Variants in OR4D1 observed in about 807,000 individuals in gnomAD.
OR4D1 encodes olfactory receptor 4D1.
A neutral mutation model predicts 14.2 loss-of-function variants in OR4D1; 10 were observed. That is an observed-to-expected ratio of 0.71 (90% CI 0.44 to 1.20). The LOEUF (loss-of-function observed/expected upper bound fraction) is 1.20. Among genes scored for constraint, OR4D1 ranks in the 50% most tolerant of loss-of-function variants. The pLI, the probability that OR4D1 is intolerant of heterozygous loss-of-function variation, is 0.00. For missense variants in OR4D1, 345 were observed against 376.6 expected, an observed-to-expected ratio of 0.92 and a Z score of 0.70; for synonymous variants, 141 against 147.4, an observed-to-expected ratio of 0.96 and a Z score of 0.32.
At position 58,152,512 on chromosome 17, in the gene OR4D1, T is replaced by C. The variant is rs1967714591; in HGVS notation, c.-126-1345T>C. Among the ~76,000 whole-genome samples the C allele has an allele frequency of 1.3e-5, 2 of 152,252 alleles. 1 individual carries two copies. Among genetic ancestry groups the C allele is most frequent in the South Asian group, 4.1e-4 (2 of 4,838 alleles). Reference sequence around the variant, plus strand: ...AGAATTACCACTATTACCAACAGTTTGCCAGTCTTGCTTCACATACTCCTC... The same window carrying C: ...AGAATTACCACTATTACCAACAGTTCGCCAGTCTTGCTTCACATACTCCTC... On this transcript the variant is annotated intron_variant, in intron 2 of 3. Transcript: ENST00000268912.
chr17:58,155,584 T>C lies in OR4D1; in HGVS notation c.431T>C (p.Leu144Pro). The C allele has an allele frequency of 6.2e-7, 1 of 1,614,194 alleles. No homozygotes were observed. The highest frequency in any genetic ancestry group is 8.5e-7 in the Non-Finnish European group (1 of 1,180,028). Residue 144 changes from leucine to proline, a missense_variant, in exon 4 of 4, where the codon CTG becomes CCG. Coordinates refer to ENST00000268912, the MANE Select transcript of OR4D1 (RefSeq NM_001386095.1). ...ATGAACACTCAATTGTGTGTGGGCC[T>C]GGTAGTAGCCGCCTGGGTGGGGGGC... Reference protein sequence around the residue: ...TIMNTQLCVGLVVAAWVGGFV... With the variant: ...TIMNTQLCVGPVVAAWVGGFV...
chr17:58,150,601 A>C (rs941403469), intron 2 of OR4D1, among the ~76,000 whole-genome samples: 3 of 152,228 alleles, frequency 2.0e-5, no homozygotes, highest in African/African-American at 7.2e-5. Flanking sequence ...GGCAGCTCAC[A>C]GTGCCAGATG....
chr17:58,156,044 C>T lies in OR4D1; in HGVS notation c.891C>T (p.Ala297=). The T allele has an allele frequency of 1.2e-6, 2 of 1,613,382 alleles. No homozygotes were observed. The highest frequency in any genetic ancestry group is 1.7e-6 in the Non-Finnish European group (2 of 1,179,686). Residue 297 remains alanine, a synonymous_variant, in exon 4 of 4, where the codon GCC becomes GCT. Transcript: ENST00000268912. The stretch of plus-strand genomic sequence containing the variant: ...TGAGAAACCAGGACATGAAAGCAGC[C>T]ATGAGGAGATTAGGCAAGTGCCTAG... ...YTLRNQDMKA[A]MRRLGKCLVI... is the part of the protein sequence containing the mutation.
Position 58,156,062 on chromosome 17 carries a change from G to T in OR4D1, c.909G>T (p.Lys303Asn), listed in dbSNP as rs1473637217. The change falls in exon 4 of 4, where the codon AAG becomes AAT. Residue 303 changes from lysine to asparagine, a missense_variant. Lys to Asn is a moderately conservative substitution (Grantham distance 94). Transcript: ENST00000268912. ...AAGCAGCCATGAGGAGATTAGGCAAGTGCCTAGTAATTTGCAGGGAGTAAA... is the reference window on the plus strand; with the variant it reads ...AAGCAGCCATGAGGAGATTAGGCAATTGCCTAGTAATTTGCAGGGAGTAAA... ...DMKAAMRRLG[K>N]CLVICRE 1 of 1,609,572 alleles carries T rather than the reference G, an allele frequency of 6.2e-7. No homozygotes were observed. The highest frequency in any genetic ancestry group is 1.7e-5 in the Admixed American group (1 of 59,728).
intron 2 of OR4D1, among the ~76,000 whole-genome samples, chr17:58,153,501 C>T (rs1171722449): frequency 6.6e-6 from 1 of 152,176 alleles, no homozygotes; most frequent in Non-Finnish European, 1.5e-5. Context: ...TGAAATCCCT[C>T]ATAAGTTTTG....
chr17:58,150,327 T>C (rs1185593190), intron 2 of OR4D1, among the ~76,000 whole-genome samples: 3 of 152,190 alleles, frequency 2.0e-5, no homozygotes, highest in Non-Finnish European at 2.9e-5. Flanking sequence ...AGTTTATGTA[T>C]GTACTATGTT....
At position 58,156,903 on chromosome 17, in the gene OR4D1, C is replaced by G. The variant is rs781697204; in HGVS notation, c.*817C>G. ...CCCCACCTCCCTGCCTCATTCCCCA[C>G]TGTGGAATTTAGAAAGTTATCTCGC... On this transcript the variant is annotated 3_prime_UTR_variant, in exon 4 of 4. Coordinates refer to ENST00000268912, the MANE Select transcript of OR4D1 (RefSeq NM_001386095.1). 1 of 586,796 alleles carries G rather than the reference C, an allele frequency of 1.7e-6. No individual in the cohort carries two copies. The highest frequency in any genetic ancestry group is 3.1e-6 in the Non-Finnish European group (1 of 320,212). The allele number at this position is 586,796 out of a possible 1,614,324, so 36.3% of individuals were successfully genotyped here. A position where few individuals can be genotyped will look rare whatever the true frequency, so the allele number is the denominator to read the frequency against.
In OR4D1 at chr17:58,157,337, C is replaced by A. The variant is rs1013894084; in HGVS notation, c.*1251C>A. ...AGTGGGAAAACTCCCTAAGACGGAG[C>A]GGCGTGGATGCAGGAACCCTGCTGA... is the stretch of plus-strand genomic sequence containing the variant. On this transcript the variant is annotated 3_prime_UTR_variant, in exon 4 of 4. Coordinates refer to ENST00000268912, the MANE Select transcript of OR4D1 (RefSeq NM_001386095.1). 1.3e-5 allele frequency: 19 copies of A among 1,461,380 alleles called. No individual in the cohort carries two copies. In the African/African-American group the frequency reaches 2.4e-4, roughly 18 times the overall value. 90.5% of individuals were successfully genotyped at this position (1,461,380 alleles called of 1,614,324 possible).
Position 58,159,249 on chromosome 17 carries a change from A to G in OR4D1, c.*3163A>G, listed in dbSNP as rs1967820147. 1 of 152,236 alleles carries G rather than the reference A, an allele frequency of 6.6e-6. No homozygotes were observed. The highest frequency in any genetic ancestry group is 1.5e-5 in the Non-Finnish European group (1 of 68,044). 9.4% of individuals were successfully genotyped at this position (152,236 alleles called of 1,614,324 possible). On this transcript the variant is annotated 3_prime_UTR_variant, in exon 4 of 4. Coordinates refer to ENST00000268912, the MANE Select transcript of OR4D1 (RefSeq NM_001386095.1). ...GCTACTTAGCTGAAATGGCTTAAATATGGCCCCTTCAAAATTCAGGTATTG... is the reference window on the plus strand; with the variant it reads ...GCTACTTAGCTGAAATGGCTTAAATGTGGCCCCTTCAAAATTCAGGTATTG...
chr17:58,155,498 C>G lies in OR4D1; in HGVS notation c.345C>G (p.Leu115=). The change falls in exon 4 of 4, where the codon CTC becomes CTG. Residue 115 remains leucine (L), a synonymous_variant. Coordinates refer to ENST00000268912, the MANE Select transcript of OR4D1 (RefSeq NM_001386095.1). ...HLLGGGTVFF[L]SVMAYDRYIA... ...TGGGAGGTGGGACTGTCTTTTTTCT[C>G]TCAGTCATGGCCTATGACCGCTACA... is the stretch of plus-strand genomic sequence containing the variant. The G allele has an allele frequency of 6.2e-7, 1 of 1,614,140 alleles. No homozygotes were observed. The highest frequency in any genetic ancestry group is 2.2e-5 in the East Asian group (1 of 44,884).
At chr17:58,153,364 C>G (rs1261457195) in intron 2 of OR4D1, among the ~76,000 whole-genome samples, 1 of 152,208 alleles carries the variant, frequency 6.6e-6, no homozygotes, top group Non-Finnish European at 1.5e-5. Flanking sequence ...TCAAACAGTC[C>G]TAGGCTGGGA....
At chr17:58,150,068 C>T (rs111435575) in intron 2 of OR4D1, among the ~76,000 whole-genome samples, 4 of 152,224 alleles carry the variant, frequency 2.6e-5, no homozygotes, top group Admixed American at 6.5e-5. Context: ...ATGTTTACTA[C>T]GATGACAATT....
intron 2 of OR4D1, among the ~76,000 whole-genome samples, 186 bp from the exon 3 acceptor site, chr17:58,153,671 C>T (rs908010900): frequency 6.6e-6 from 1 of 152,114 alleles, no homozygotes; most frequent in Admixed American, 6.5e-5. Context: ...ATTGTCTGTA[C>T]AGGATGGGGC....
chr17:58,152,256 C>T (rs891430825), intron 2 of OR4D1, among the ~76,000 whole-genome samples: 2 of 152,188 alleles, frequency 1.3e-5, no homozygotes, highest in African/African-American at 4.8e-5. Flanking sequence ...CTGGCCGCCT[C>T]GGCCTCTCAA....
At position 58,157,151 on chromosome 17, in the gene OR4D1, G is replaced by C; in HGVS notation, c.*1065G>C. On this transcript the variant is annotated 3_prime_UTR_variant, in exon 4 of 4. Transcript: ENST00000268912. ...CCAGCCTGCCCTACAGTGTGGATGC[G>C]CTCGTGTCGGACAAGAAGCCGCCCA... is the stretch of plus-strand genomic sequence containing the variant. The C allele has an allele frequency of 6.8e-7, 1 of 1,460,328 alleles. No homozygotes were observed. The highest frequency in any genetic ancestry group is 1.3e-5 in the South Asian group (1 of 76,282). The allele number at this position is 1,460,328 out of a possible 1,614,324, so 90.5% of individuals were successfully genotyped here. A position where few individuals can be genotyped will look rare whatever the true frequency, so the allele number is the denominator to read the frequency against.
rs199680696 is a variant in OR4D1, at chr17:58,155,241, C to T, written c.88C>T (p.Leu30=). The T allele has an allele frequency of 6.2e-7, 1 of 1,614,182 alleles. No homozygotes were observed. Among genetic ancestry groups the T allele is most frequent in the Non-Finnish European group, 8.5e-7 (1 of 1,180,006 alleles). The change falls in exon 4 of 4, where the codon CTG becomes TTG. Residue 30 remains leucine, a synonymous_variant. Transcript: ENST00000268912. ...AGAGCTCCAGAAATTCCTGTTCCTTCTGTTCCTGTTAGTCTATGTTACCAC... is the reference window on the plus strand; with the variant it reads ...AGAGCTCCAGAAATTCCTGTTCCTTTTGTTCCTGTTAGTCTATGTTACCAC... ...TQELQKFLFL[L]FLLVYVTTIV...
chr17:58,154,938 G>A (rs776763117), intron 3 of OR4D1, among the ~76,000 whole-genome samples, 197 bp from the exon 4 acceptor site: 6 of 152,228 alleles, frequency 3.9e-5, no homozygotes, highest in Admixed American at 1.3e-4. Flanking sequence ...ATATACTGTA[G>A]GGCGTGGTCA....
intron 1 of OR4D1, 115 bp downstream of exon 1, chr17:58,148,699 T>C (rs536075951): frequency 6.6e-6 from 1 of 152,344 alleles, no homozygotes; most frequent in Non-Finnish European, 1.5e-5. Flanking sequence ...TTTGTCTGTA[T>C]TGGCTTATGT....
In OR4D1 at chr17:58,157,587, A is replaced by G. The variant is rs951576293; in HGVS notation, c.*1501A>G. The G allele has an allele frequency of 8.7e-6, 14 of 1,610,428 alleles. No individual in the cohort carries two copies. Among genetic ancestry groups the G allele is most frequent in the Non-Finnish European group, 1.2e-5 (14 of 1,176,780 alleles). On this transcript the variant is annotated 3_prime_UTR_variant, in exon 4 of 4. Coordinates refer to ENST00000268912, the MANE Select transcript of OR4D1 (RefSeq NM_001386095.1). Reference sequence around the variant, plus strand: ...ATCTTGTTCCAGAACCGAAGGGCCAAGACGAAAAGACTGCAGGAGTCAGAA... The same window carrying G: ...ATCTTGTTCCAGAACCGAAGGGCCAGGACGAAAAGACTGCAGGAGTCAGAA...
Sources: gnomAD v4.1 joint callset for allele counts (sites outside exome capture counted in the v4.1 genomes callset) on GRCh38, gnomAD v4.1.1 for gene constraint, MANE v1.5 for transcripts, NCBI Gene and HGNC (gene_info 2026-07-23, HGNC 2026-07-21) for gene names.